The following EFCAB14 variants were observed in gnomAD, a reference collection of about 807,000 sequenced individuals.
EFCAB14 encodes the protein EF-hand calcium binding domain 14.
A neutral mutation model predicts 56.5 loss-of-function variants in EFCAB14; 43 were observed. The observed-to-expected ratio is 0.76, with a 90% CI of 0.60 to 0.98. The LOEUF is 0.98. Ranked by LOEUF, EFCAB14 falls within the 50% of genes least tolerant of loss-of-function variation. The pLI, the probability that EFCAB14 is intolerant of heterozygous loss-of-function variation, is 0.00. For synonymous variants in EFCAB14, 235 were observed against 212.9 expected (o/e 1.10, Z -0.90); for missense variants, 538 against 580.3 (o/e 0.93, Z 0.75).
intron 3 of EFCAB14, among the ~76,000 whole-genome samples, chr1:46,699,214 G>A (rs1677118913): frequency 6.6e-6 from 1 of 152,194 alleles, no homozygotes; most frequent in African/African-American, 2.4e-5. Context: ...AACAGGCTTC[G>A]CTGAAGGAGG....
At chr1:46,694,315 T>G (rs1677045724) in intron 4 of EFCAB14, among the ~76,000 whole-genome samples, 1 of 152,202 alleles carries the variant, frequency 6.6e-6, no homozygotes, top group Admixed American at 6.5e-5. Flanking sequence ...AAGAAAATTT[T>G]TGCAATCTCC....
intron 8 of EFCAB14, among the ~76,000 whole-genome samples, chr1:46,685,753 T>A (rs909010852): frequency 6.6e-6 from 1 of 152,236 alleles, no homozygotes; most frequent in Non-Finnish European, 1.5e-5. Context: ...TACTACTTTC[T>A]AATAGAAACC....
chr1:46,703,954 C>T (rs1011948811), intron 3 of EFCAB14, among the ~76,000 whole-genome samples: 3 of 152,206 alleles, frequency 2.0e-5, no homozygotes, highest in Admixed American at 6.5e-5. Flanking sequence ...AAATATTCTT[C>T]TCTCTTTCTG....
intron 7 of EFCAB14, among the ~76,000 whole-genome samples, chr1:46,687,875 C>A (rs2119301): frequency 0.26 from 39,066 of 151,982 alleles, 5,235 homozygotes; most frequent in East Asian, 0.35. Flanking sequence ...TCCTGACATA[C>A]GCAAAAGGTT....
intron 3 of EFCAB14, among the ~76,000 whole-genome samples, chr1:46,698,487 GA>G (rs1410030018): frequency 6.6e-6 from 1 of 152,126 alleles, no homozygotes; most frequent in East Asian, 1.9e-4. Context: ...AAAGTAACTT[GA>G]CAGGAGTGAC....
intron 10 of EFCAB14, among the ~76,000 whole-genome samples, chr1:46,679,816 G>A (rs757527251): frequency 1.3e-5 from 2 of 151,408 alleles, no homozygotes; most frequent in Non-Finnish European, 2.9e-5. Context: ...TCATCATGTC[G>A]GCCAGGTCTC....
intron 3 of EFCAB14, among the ~76,000 whole-genome samples, chr1:46,705,646 T>G (rs1005497004): frequency 1.3e-5 from 2 of 152,210 alleles, no homozygotes; most frequent in African/African-American, 4.8e-5. Flanking sequence ...CCAGGGCTGT[T>G]TCCTGCTTTG....
chr1:46,712,641 A>C (rs1677326555), intron 2 of EFCAB14, among the ~76,000 whole-genome samples: 1 of 152,224 alleles, frequency 6.6e-6, no homozygotes, highest in Non-Finnish European at 1.5e-5. Flanking sequence ...AAAGCCAGAC[A>C]AGCAGGTGGT....
intron 4 of EFCAB14, among the ~76,000 whole-genome samples, chr1:46,695,161 A>G (rs571240703): frequency 3.3e-5 from 5 of 152,136 alleles, no homozygotes; most frequent in East Asian, 1.9e-4. Context: ...CATGGCACAT[A>G]TATACATACG....
In EFCAB14 at chr1:46,677,393, T is replaced by C. The variant is rs1404506476; in HGVS notation, c.*1068A>G. The C allele has an allele frequency of 6.6e-6, 1 of 152,178 alleles. No homozygotes were observed. Among genetic ancestry groups the C allele is most frequent in the Non-Finnish European group, 1.5e-5 (1 of 68,030 alleles). The allele number at this position is 152,178 out of a possible 1,614,324, so 9.4% of individuals were successfully genotyped here. A position where few individuals can be genotyped will look rare whatever the true frequency, so the allele number is the denominator to read the frequency against. The stretch of plus-strand genomic sequence containing the variant: ...GCTTTAGTCATCCCCCAGAGAAACA[T>C]ATTAGGCTCTTGGTTAGCCTCTAGG... On this transcript the variant is annotated 3_prime_UTR_variant, in exon 11 of 11. Coordinates refer to ENST00000371933, the MANE Select transcript of EFCAB14 (RefSeq NM_014774.3).
At chr1:46,705,201 CA>C (rs1677216843) in intron 3 of EFCAB14, among the ~76,000 whole-genome samples, 1 of 152,192 alleles carries the variant, frequency 6.6e-6, no homozygotes, top group South Asian at 2.1e-4. Context: ...GGAAACAACA[CA>C]AGTCTCTGCT....
chr1:46,709,286 C>G (rs543724204), intron 2 of EFCAB14, among the ~76,000 whole-genome samples: 54 of 152,328 alleles, frequency 3.5e-4, no homozygotes, highest in African/African-American at 1.2e-3. Flanking sequence ...TGTGGCCAAG[C>G]TGATCTTCCT....
Position 46,718,012 on chromosome 1 carries a change from G to T in EFCAB14, c.76C>A (p.Pro26Thr), listed in dbSNP as rs1355270044. 1.2e-6 allele frequency: 2 copies of T among 1,614,038 alleles called. No individual in the cohort carries two copies. The highest frequency in any genetic ancestry group is 1.7e-6 in the Non-Finnish European group (2 of 1,180,044). Residue 26 changes from proline (P) to threonine (T), a missense_variant, in exon 1 of 11, where the codon CCA becomes ACA. Pro to Thr is a conservative substitution (Grantham distance 38, BLOSUM62 -1). Coordinates refer to ENST00000371933, the MANE Select transcript of EFCAB14 (RefSeq NM_014774.3). ...DSRRKKPKKGPSSHRLLRTEP... is the reference protein window; with the variant it reads ...DSRRKKPKKGTSSHRLLRTEP... ...GTGCGAAGCAGGCGGTGACTGCTTG[G>T]GCCTTTCTTGGGCTTCTTTCTCCGG...
chr1:46,682,280 T>C (rs1676808409), intron 10 of EFCAB14: 1 of 152,146 alleles, frequency 6.6e-6, no homozygotes, highest in South Asian at 2.1e-4. Flanking sequence ...GAAATGTTCC[T>C]GGTAGAATGG....
chr1:46,709,732 A>C (rs1677280986), intron 2 of EFCAB14, among the ~76,000 whole-genome samples: 1 of 152,212 alleles, frequency 6.6e-6, no homozygotes, highest in Non-Finnish European at 1.5e-5. Context: ...TCACACCTGT[A>C]ATCCTAGCAC....
At chr1:46,689,483 A>C in intron 6 of EFCAB14, 104 bp downstream of exon 6, 1 of 1,069,570 alleles carries the variant, frequency 9.3e-7, no homozygotes, top group Non-Finnish European at 1.4e-6. Context: ...AGGCAAATAA[A>C]TACAGGATGC....
intron 3 of EFCAB14, among the ~76,000 whole-genome samples, chr1:46,701,945 T>C (rs759531907): frequency 4.6e-5 from 7 of 152,242 alleles, no homozygotes; most frequent in Non-Finnish European, 8.8e-5. Context: ...GCAAAGCTTA[T>C]ATATGTAACT....
chr1:46,677,217 A>T lies in EFCAB14; in HGVS notation c.*1244T>A, dbSNP rs1393175128. 1 of 152,484 alleles carries T rather than the reference A, an allele frequency of 6.6e-6. No individual in the cohort carries two copies. The highest frequency in any genetic ancestry group is 1.5e-5 in the Non-Finnish European group (1 of 68,048). 9.4% of individuals were successfully genotyped at this position (152,484 alleles called of 1,614,324 possible). On this transcript the variant is annotated 3_prime_UTR_variant, in exon 11 of 11. Coordinates refer to ENST00000371933, the MANE Select transcript of EFCAB14 (RefSeq NM_014774.3). ...TGTACTTGATTGTATTAGATTTGAA[A>T]AACTTGCTACCACCATGTGAAGGCC...
intron 3 of EFCAB14, among the ~76,000 whole-genome samples, chr1:46,697,814 A>G (rs1432611446): frequency 6.6e-6 from 1 of 151,922 alleles, no homozygotes; most frequent in East Asian, 1.9e-4. Flanking sequence ...TCAGATTGTA[A>G]TAAGTACTGT....
Sources: allele counts gnomAD v4.1 joint callset (sites outside exome capture counted in the v4.1 genomes callset), GRCh38; gene constraint gnomAD v4.1.1; transcripts MANE v1.5; gene names NCBI Gene and HGNC (gene_info 2026-07-23, HGNC 2026-07-21).